The following HPRT1 variants were observed in gnomAD, a reference collection of about 807,000 sequenced individuals.
The protein encoded by HPRT1 is hypoxanthine-guanine phosphoribosyltransferase.
HPRT1 carries 4 observed loss-of-function variants against 19.0 expected under a neutral mutation model. The observed-to-expected ratio is 0.21, with a 90% confidence interval of 0.10 to 0.48. The LOEUF (loss-of-function observed/expected upper bound fraction) is 0.48. Ranked by LOEUF, HPRT1 falls within the 20% of genes least tolerant of loss-of-function variation. The pLI, the probability that HPRT1 is intolerant of heterozygous loss-of-function variation, is 0.98. For missense variants in HPRT1, 65 were observed against 164.0 expected, an observed-to-expected ratio of 0.40 and a Z score of 3.30; for synonymous variants, 53 against 54.9, an observed-to-expected ratio of 0.97 and a Z score of 0.15.
intron 2 of HPRT1, 88 bp from the exon 3 acceptor site, chrX:134,475,093 T>C: frequency 1.4e-6 from 1 of 724,605 alleles, no homozygotes; most frequent in Non-Finnish European, 2.1e-6. Context: ...TTGCCCAGGT[T>C]GGTGTGGAAG....
chrX:134,462,085 G>A (rs760090432), intron 1 of HPRT1, among the ~76,000 whole-genome samples: 1 of 111,725 alleles, frequency 9.0e-6, no homozygotes, highest in East Asian at 2.8e-4. Context: ...ATTCTCCCCA[G>A]GCTCAGGGGA....
At chrX:134,489,230 C>A (rs2077660774) in intron 4 of HPRT1, among the ~76,000 whole-genome samples, 1 of 111,375 alleles carries the variant, frequency 9.0e-6, no homozygotes, top group African/African-American at 3.3e-5. Context: ...GCATTTACCC[C>A]TAATATATGC....
Position 134,486,488 on chromosome X carries a change from A to G in HPRT1, c.342A>G (p.Ile114Met), listed in dbSNP as rs1602745407. The change falls in exon 4 of 9, where the codon ATA becomes ATG. Residue 114 changes from isoleucine to methionine, a missense_variant. By Grantham distance (10) the Ile-to-Met change is conservative (BLOSUM62 1). Coordinates refer to ENST00000298556, the MANE Select transcript of HPRT1 (RefSeq NM_000194.3). The stretch of plus-strand genomic sequence containing the variant: ...AGAATGACCAGTCAACAGGGGACAT[A>G]AAAGTAATTGGTGGAGATGATCTCT... ...SYCNDQSTGDIKVIGGDDLST... is the reference protein window; with the variant it reads ...SYCNDQSTGDMKVIGGDDLST... 8.5e-7 allele frequency: 1 copy of G among 1,172,320 alleles called. No homozygotes were observed. Among genetic ancestry groups the G allele is most frequent in the Non-Finnish European group, 1.2e-6 (1 of 863,666 alleles).
chrX:134,473,186 G>A (rs1417262033), intron 1 of HPRT1, among the ~76,000 whole-genome samples, 173 bp from the exon 2 acceptor site: 1 of 112,066 alleles, frequency 8.9e-6, no homozygotes, highest in African/African-American at 3.2e-5. Flanking sequence ...CAACCCGCCC[G>A]GCCTGTTGTT....
At chrX:134,491,919 A>G (rs1467549330) in intron 5 of HPRT1, among the ~76,000 whole-genome samples, 9 of 99,567 alleles carry the variant, frequency 9.0e-5, no homozygotes, top group East Asian at 6.1e-4. Context: ...GTGTGTGTGT[A>G]TGTATGTATG....
chrX:134,487,095 T>G (rs1033203218), intron 4 of HPRT1, among the ~76,000 whole-genome samples: 1 of 111,591 alleles, frequency 9.0e-6, no homozygotes, highest in African/African-American at 3.3e-5. Context: ...TACAACAGTT[T>G]CTGGTAAATC....
intron 4 of HPRT1, among the ~76,000 whole-genome samples, chrX:134,489,960 G>A (rs887391976): frequency 2.7e-5 from 3 of 111,161 alleles, no homozygotes; most frequent in Non-Finnish European, 3.8e-5. Flanking sequence ...TTAAAAACAG[G>A]TGGGTCAAAT....
intron 1 of HPRT1, among the ~76,000 whole-genome samples, chrX:134,472,435 G>A (rs752537021): frequency 3.6e-5 from 4 of 111,952 alleles, no homozygotes; most frequent in Non-Finnish European, 7.5e-5. Context: ...TAAAGATTTT[G>A]CTGCGTTTGT....
chrX:134,460,549 C>G (rs1280339676), intron 1 of HPRT1: 4 of 246,638 alleles, frequency 1.6e-5, no homozygotes, highest in Middle Eastern at 2.4e-3. Flanking sequence ...GGTCCCTCCT[C>G]GGGGGAGCCC....
chrX:134,489,475 C>T (rs931672361), intron 4 of HPRT1, among the ~76,000 whole-genome samples: 3 of 111,491 alleles, frequency 2.7e-5, no homozygotes, highest in African/African-American at 9.8e-5. Flanking sequence ...AGATAAACAA[C>T]ACATCATGAA....
intron 4 of HPRT1, chrX:134,486,783 C>A: frequency 7.3e-6 from 2 of 272,502 alleles, no homozygotes; most frequent in Non-Finnish European, 1.3e-5. Context: ...ATTTGGGATC[C>A]TTCAAAAAAC....
intron 8 of HPRT1, 146 bp from the exon 9 acceptor site, chrX:134,499,884 A>G: frequency 2.1e-6 from 1 of 471,819 alleles, no homozygotes; most frequent in Middle Eastern, 4.3e-4. Context: ...CACTCCCCAA[A>G]AGTTACTGAT....
chrX:134,499,755 G>C (rs146202686), intron 8 of HPRT1, among the ~76,000 whole-genome samples: 195 of 105,499 alleles, frequency 1.8e-3, no homozygotes, highest in Middle Eastern at 0.012. Flanking sequence ...AGTGAGCAGA[G>C]ATCGTGCCAC....
At position 134,460,192 on chromosome X, in the gene HPRT1, A is replaced by T; in HGVS notation, c.-120A>T. The T allele has an allele frequency of 1.3e-6, 1 of 776,174 alleles. No individual in the cohort carries two copies. Among genetic ancestry groups the T allele is most frequent in the Non-Finnish European group, 1.8e-6 (1 of 550,754 alleles). The allele number at this position is 776,174 out of a possible 1,213,427, so 64.0% of individuals were successfully genotyped here. A position where few individuals can be genotyped will look rare whatever the true frequency, so the allele number is the denominator to read the frequency against. ...CTTCAGGCGGCTGCGACGAGCCCTC[A>T]GGCGAACCTCTCGGCTTTCCCGCGC... On this transcript the variant is annotated 5_prime_UTR_variant, in exon 1 of 9. Coordinates refer to ENST00000298556, the MANE Select transcript of HPRT1 (RefSeq NM_000194.3).
chrX:134,460,482 T>C, intron 1 of HPRT1, 144 bp downstream of exon 1: 1 of 404,569 alleles, frequency 2.5e-6, no homozygotes, highest in Non-Finnish European at 3.6e-6. Context: ...GTTTCCCGGG[T>C]TCGGCTTTAC....
intron 3 of HPRT1, among the ~76,000 whole-genome samples, chrX:134,486,194 C>G (rs898451820): frequency 9.0e-6 from 1 of 111,310 alleles, no homozygotes; most frequent in Non-Finnish European, 1.9e-5. Context: ...TTTTTTAGGA[C>G]TCTTAAAAAC....
At position 134,500,084 on chromosome X, in the gene HPRT1, A is replaced by G. The variant is rs752771994; in HGVS notation, c.*7A>G. On this transcript the variant is annotated 3_prime_UTR_variant, in exon 9 of 9. Coordinates refer to ENST00000298556, the MANE Select transcript of HPRT1 (RefSeq NM_000194.3). ...AGCAAAATACAAAGCCTAAGATGAG[A>G]GTTCAAGTTGAGTTTGGAAACATCT... The G allele has an allele frequency of 1.1e-5, 13 of 1,146,333 alleles. No homozygotes were observed. In the South Asian group the frequency reaches 2.3e-4, roughly 21 times the overall value. 94.5% of individuals were successfully genotyped at this position (1,146,333 alleles called of 1,213,427 possible). A position where few individuals can be genotyped will look rare whatever the true frequency, so the allele number is the denominator to read the frequency against.
intron 4 of HPRT1, 101 bp from the exon 5 acceptor site, chrX:134,490,087 A>G: frequency 2.2e-6 from 1 of 457,742 alleles, no homozygotes. Flanking sequence ...TAAAAACAAG[A>G]GTTTGGATAA....
At chrX:134,486,684 A>C (rs758906943) in intron 4 of HPRT1, 154 bp downstream of exon 4, 1 of 471,172 alleles carries the variant, frequency 2.1e-6, no homozygotes, top group Non-Finnish European at 3.9e-6. Context: ...ATCGTTCCCT[A>C]GGTCATGTAG....
Sources: gnomAD v4.1 joint callset for allele counts (sites outside exome capture counted in the v4.1 genomes callset) on GRCh38, gnomAD v4.1.1 for gene constraint, MANE v1.5 for transcripts, NCBI Gene and HGNC (gene_info 2026-07-23, HGNC 2026-07-21) for gene names.